The following NLRP2 variants were observed in gnomAD, a reference collection of about 807,000 sequenced individuals.
NLRP2 encodes the protein NACHT, LRR and PYD domains-containing protein 2.
NLRP2 carries 107 observed loss-of-function variants against 97.2 expected under a neutral mutation model. That is an observed-to-expected ratio of 1.10 (90% CI 0.94 to 1.29). The LOEUF is 1.29. NLRP2 is among the 50% of genes most tolerant of loss of function. The pLI, the probability that NLRP2 is intolerant of heterozygous loss-of-function variation, is 0.00. For missense variants in NLRP2, 1,495 were observed against 1,330.3 expected (o/e 1.12, Z -1.93); for synonymous variants, 663 against 551.5 (o/e 1.20, Z -2.83).
chr19:54,973,951 T>C, intron 2 of NLRP2: 1 of 890,010 alleles, frequency 1.1e-6, no homozygotes, highest in South Asian at 1.3e-5. Flanking sequence ...AGAGTGGCTA[T>C]GGTGGGCAGA....
At chr19:54,974,565 CT>C (rs1466183561) in intron 3 of NLRP2, 21 bp downstream of exon 3, 14 of 1,500,180 alleles carry the variant, frequency 9.3e-6, no homozygotes, top group Non-Finnish European at 1.3e-5. Flanking sequence ...TCATTTATAA[CT>C]TTTATTCTTC....
intron 1 of NLRP2, among the ~76,000 whole-genome samples, chr19:54,967,001 C>T (rs1371905269): frequency 1.3e-5 from 2 of 151,724 alleles, no homozygotes; most frequent in Non-Finnish European, 2.9e-5. Context: ...GCCACCACAT[C>T]TGTTCTGGCT....
chr19:54,985,560 A>C (rs2072001495), intron 7 of NLRP2, among the ~76,000 whole-genome samples: 1 of 151,108 alleles, frequency 6.6e-6, no homozygotes, highest in Non-Finnish European at 1.5e-5. Flanking sequence ...CACCTGTAAT[A>C]TCAGCTACTT....
chr19:54,976,020 A>G (rs2071208979), intron 3 of NLRP2, among the ~76,000 whole-genome samples: 1 of 151,632 alleles, frequency 6.6e-6, no homozygotes, highest in African/African-American at 2.4e-5. Flanking sequence ...AAGTGCTGGG[A>G]TTACAGACAT....
chr19:54,970,770 C>CTTTTTTTTTTTTTTTTTTGTCTTTTTTT (rs34406686), intron 2 of NLRP2, among the ~76,000 whole-genome samples: 1 of 108,472 alleles, frequency 9.2e-6, no homozygotes, highest in African/African-American at 3.5e-5. Context: ...CTACCTACTT[C>CTTTTTTTTTTTTTTTTTTGTCTTTTTTT]TTTTTTTTTT....
At chr19:54,994,548 C>A in intron 11 of NLRP2, 109 bp downstream of exon 11, 3 of 1,133,030 alleles carry the variant, frequency 2.6e-6, no homozygotes, top group Non-Finnish European at 4.0e-6. Context: ...TTGAGAGGAC[C>A]TTTATAGAGT....
intron 1 of NLRP2, among the ~76,000 whole-genome samples, chr19:54,969,059 ATC>A (rs1364968560): frequency 6.6e-6 from 1 of 152,060 alleles, no homozygotes; most frequent in East Asian, 1.9e-4. Context: ...CTCCTGGGTG[ATC>A]CACGTAGCTC....
intron 10 of NLRP2, chr19:54,993,939 T>C (rs533217635): frequency 1.6e-5 from 7 of 427,206 alleles, no homozygotes; most frequent in South Asian, 1.3e-4. Flanking sequence ...GGCTCCCTTA[T>C]CACGTCACCT....
At chr19:54,985,648 A>T (rs1460509029) in intron 7 of NLRP2, among the ~76,000 whole-genome samples, 1 of 141,334 alleles carries the variant, frequency 7.1e-6, no homozygotes, top group Non-Finnish European at 1.5e-5. Flanking sequence ...ACTGGACTCC[A>T]GTCTGAGTGA....
chr19:54,991,328 A>T (rs1340758794), intron 10 of NLRP2, among the ~76,000 whole-genome samples: 1 of 151,942 alleles, frequency 6.6e-6, no homozygotes, highest in African/African-American at 2.4e-5. Flanking sequence ...AGCAAGGCAG[A>T]TCCCTTGAGG....
Position 54,979,331 on chromosome 19 carries a change from T to C in NLRP2, c.397+1508T>C, listed in dbSNP as rs538732864. 6.2e-4 allele frequency among the ~76,000 whole-genome samples: 94 copies of C among 151,998 alleles called. 1 individual carries two copies. The South Asian group carries it at 0.019, about 30-fold the overall frequency. ...CTTGCTTACTCCACATTCCCTCTTA[T>C]CTTCCTGGTAGCATTTTTGTTTTTT... On this transcript the variant is annotated intron_variant, in intron 4 of 12. Transcript: ENST00000448584.
At position 54,997,415 on chromosome 19, in the gene NLRP2, CCTTGGGGT is replaced by C; in HGVS notation, c.2981_2988del (p.Leu994Ter). ...GTCACTCTGGACCTGGGTCAGAATCCCTTGGGGTCTAGTGGAGTGAAGATGCTGTTTGA... is the reference window on the plus strand; with the variant it reads ...GTCACTCTGGACCTGGGTCAGAATCCCTAGTGGAGTGAAGATGCTGTTTGA... On this transcript the variant is annotated frameshift_variant, in exon 12 of 13. Transcript: ENST00000448584. LOFTEE classifies it high-confidence loss of function. 6.2e-7 allele frequency: 1 copy of C among 1,614,180 alleles called. No individual in the cohort carries two copies. Among genetic ancestry groups the C allele is most frequent in the Non-Finnish European group, 8.5e-7 (1 of 1,180,032 alleles).
At chr19:54,989,495 C>G in intron 8 of NLRP2, 1 of 181,428 alleles carries the variant, frequency 5.5e-6, no homozygotes, top group South Asian at 1.2e-4. Flanking sequence ...AACAATGAAA[C>G]ATAGGTTAGC....
rs776285800 is a variant in NLRP2 at position 54,983,590 on chromosome 19, A to T, written c.1892A>T (p.His631Leu). ...VMAQFKEISL[H>L]LNAVDVVPSS... is the part of the protein sequence containing the mutation. ...GCTCAGTTCAAAGAAATATCCCTGC[A>T]CTTAAATGCAGTAGACGTTGTGCCA... The change falls in exon 6 of 13, where the codon CAC becomes CTC. Residue 631 changes from histidine (H) to leucine (L), a missense_variant. Physicochemically the swap from His to Leu is moderately conservative, Grantham distance 99. Transcript: ENST00000448584. The T allele has an allele frequency of 5.0e-6, 8 of 1,614,154 alleles. No homozygotes were observed. The highest frequency in any genetic ancestry group is 6.8e-6 in the Non-Finnish European group (8 of 1,180,016).
rs1302495216 is a variant in NLRP2, at chr19:54,982,313, C to G, written c.615C>G (p.Phe205Leu). ...FSNPRVLPGP[F>L]SYTVVLYGPA... ...ACCCCAGGGTGCTTCCCGGGCCCTT[C>G]TCATACACGGTGGTGCTGTATGGTC... The change falls in exon 6 of 13, where the codon TTC becomes TTG. Residue 205 changes from phenylalanine (F) to leucine (L), a missense_variant. By Grantham distance (22) the Phe-to-Leu change is conservative. Transcript: ENST00000448584. The G allele has an allele frequency of 1.2e-6, 2 of 1,614,138 alleles. No homozygotes were observed. The highest frequency in any genetic ancestry group is 1.7e-6 in the Non-Finnish European group (2 of 1,180,028).
At chr19:54,984,168 ACAGG>A (rs2071864330) in intron 6 of NLRP2, among the ~76,000 whole-genome samples, 1 of 151,560 alleles carries the variant, frequency 6.6e-6, no homozygotes, top group Non-Finnish European at 1.5e-5. Flanking sequence ...TTTTTTTAAG[ACAGG>A]GTCTTGCTGT....
intron 3 of NLRP2, among the ~76,000 whole-genome samples, chr19:54,975,106 G>GTTTTGTTTTTTTTT (rs2071120773): frequency 3.4e-5 from 2 of 58,674 alleles, no homozygotes; most frequent in East Asian, 5.0e-4. Context: ...ACCCGGTTTT[G>GTTTTGTTTTTTTTT]TTTTTTTTTT....
At chr19:54,978,127 C>T (rs1177789361) in intron 4 of NLRP2, among the ~76,000 whole-genome samples, 3 of 152,036 alleles carry the variant, frequency 2.0e-5, no homozygotes, top group African/African-American at 7.2e-5. Flanking sequence ...GGCGCGATCT[C>T]GGCTCACTGT....
At chr19:54,991,173 T>C (rs1345566897) in intron 10 of NLRP2, 2 of 183,200 alleles carry the variant, frequency 1.1e-5, no homozygotes, top group Admixed American at 5.4e-5. Flanking sequence ...CAGGTAGTCT[T>C]CTGGGCCAGT....
Sources: gnomAD v4.1 joint callset for allele counts (sites outside exome capture counted in the v4.1 genomes callset) on GRCh38, gnomAD v4.1.1 for gene constraint, MANE v1.5 for transcripts, NCBI Gene and HGNC (gene_info 2026-07-23, HGNC 2026-07-21) for gene names.